CDK6: variants seen among roughly 807,000 people sequenced by gnomAD.
CDK6 encodes the protein cyclin dependent kinase 6.
CDK6 carries 6 observed loss-of-function variants against 37.1 expected under a neutral mutation model. The observed-to-expected ratio is 0.16, with a 90% CI of 0.09 to 0.32. The LOEUF is 0.32. Ranked by LOEUF, CDK6 falls within the 10% of genes least tolerant of loss-of-function variation. The pLI, the probability that CDK6 is intolerant of heterozygous loss-of-function variation, is 1.00. For missense variants in CDK6, 224 were observed against 418.9 expected (o/e 0.53, Z 4.06); for synonymous variants, 160 against 161.3 (o/e 0.99, Z 0.06).
rs139988485 is a variant in CDK6 at position 92,752,489 on chromosome 7, A to G, written c.369+22207T>C. Among the ~76,000 whole-genome samples, 285 of 152,342 alleles carry G rather than the reference A, an allele frequency of 1.9e-3. 1 individual carries two copies. Among genetic ancestry groups the G allele is most frequent in the Admixed American group, 4.2e-3 (64 of 15,300 alleles). ...AAATGCTATACCAAATGCTGTTGAA[A>G]CTTTGGGACCTAAAATGAGAAACTA... On this transcript the variant is annotated intron_variant, in intron 3 of 7. Transcript: ENST00000424848.
chr7:92,629,022 G>C (rs1049486947), intron 5 of CDK6, among the ~76,000 whole-genome samples: 1 of 152,004 alleles, frequency 6.6e-6, no homozygotes, highest in Non-Finnish European at 1.5e-5. Context: ...GGGGAAAGAC[G>C]CACTTGAAGT....
At chr7:92,788,961 AT>A (rs533300196) in intron 2 of CDK6, among the ~76,000 whole-genome samples, 1,776 of 147,022 alleles carry the variant, frequency 0.012, 32 homozygotes, top group African/African-American at 0.038. Context: ...TCTACAAAAG[AT>A]TTTTTTTTTT....
intron 2 of CDK6, among the ~76,000 whole-genome samples, chr7:92,821,526 A>T (rs1013386451): frequency 1.3e-5 from 2 of 152,224 alleles, no homozygotes; most frequent in Non-Finnish European, 2.9e-5. Context: ...TAAACAAAAA[A>T]CTGCAAATAA....
In CDK6 at chr7:92,610,548, A is replaced by G; in HGVS notation, c.*4592T>C. ...TTTTTGGTTTATTTTCTGAAAAAGT[A>G]CAAGATAGAAATGCTTGAGATATAG... On this transcript the variant is annotated 3_prime_UTR_variant, in exon 8 of 8. Transcript: ENST00000424848. The G allele has an allele frequency of 4.4e-6, 1 of 229,250 alleles. No individual in the cohort carries two copies. Among genetic ancestry groups the G allele is most frequent in the Non-Finnish European group, 8.7e-6 (1 of 115,558 alleles). 14.2% of individuals were successfully genotyped at this position (229,250 alleles called of 1,614,324 possible).
At chr7:92,715,408 A>G (rs183394887) in intron 4 of CDK6, among the ~76,000 whole-genome samples, 2 of 152,178 alleles carry the variant, frequency 1.3e-5, no homozygotes, top group African/African-American at 4.8e-5. Flanking sequence ...AAATTCTCCT[A>G]CGCTTTCCCC....
chr7:92,669,421 TA>T (rs1407867894), intron 5 of CDK6, among the ~76,000 whole-genome samples: 3 of 152,296 alleles, frequency 2.0e-5, no homozygotes, highest in African/African-American at 7.2e-5. Context: ...TTTAACATCT[TA>T]AAAAAATTGA....
intron 2 of CDK6, among the ~76,000 whole-genome samples, chr7:92,783,031 G>A (rs1289982926): frequency 7.9e-5 from 12 of 152,100 alleles, no homozygotes; most frequent in Admixed American, 6.6e-5. Context: ...AAAAGTAGCC[G>A]ACAGCAGAGA....
chr7:92,832,053 T>C (rs1442474054), intron 2 of CDK6, among the ~76,000 whole-genome samples: 1 of 152,232 alleles, frequency 6.6e-6, no homozygotes, highest in African/African-American at 2.4e-5. Context: ...AAAAGATATT[T>C]CTGCTACACA....
intron 2 of CDK6, among the ~76,000 whole-genome samples, chr7:92,829,990 T>A (rs771720094): frequency 3.9e-5 from 6 of 152,170 alleles, no homozygotes; most frequent in Admixed American, 2.0e-4. Flanking sequence ...CAGTAAATAT[T>A]TGGTGAATGA....
chr7:92,663,801 T>C (rs905249624), intron 5 of CDK6, among the ~76,000 whole-genome samples: 1 of 152,178 alleles, frequency 6.6e-6, no homozygotes, highest in Non-Finnish European at 1.5e-5. Flanking sequence ...TCAACCAAAA[T>C]TGGACCTTTT....
At chr7:92,648,879 G>A (rs980599940) in intron 5 of CDK6, among the ~76,000 whole-genome samples, 1 of 151,832 alleles carries the variant, frequency 6.6e-6, no homozygotes, top group African/African-American at 2.4e-5. Context: ...TATACATTTG[G>A]GATATGTAAG....
At chr7:92,664,929 G>A (rs892004462) in intron 5 of CDK6, among the ~76,000 whole-genome samples, 2 of 151,880 alleles carry the variant, frequency 1.3e-5, no homozygotes, top group Middle Eastern at 3.2e-3. Context: ...GGGACTACAG[G>A]AGCATGCCAC....
intron 2 of CDK6, among the ~76,000 whole-genome samples, chr7:92,781,272 A>G (rs1799985050): frequency 6.6e-6 from 1 of 152,194 alleles, no homozygotes; most frequent in Admixed American, 6.5e-5. Context: ...TATTGTCCTG[A>G]CCCGCCAGCT....
chr7:92,803,102 T>G (rs938161834), intron 2 of CDK6, among the ~76,000 whole-genome samples: 2 of 152,232 alleles, frequency 1.3e-5, no homozygotes, highest in Non-Finnish European at 2.9e-5. Context: ...ATAACTAATA[T>G]TATACTGTAT....
chr7:92,625,000 G>A (rs1401225468), intron 5 of CDK6, among the ~76,000 whole-genome samples: 1 of 151,892 alleles, frequency 6.6e-6, no homozygotes, highest in Non-Finnish European at 1.5e-5. Flanking sequence ...TGGGGAAAGG[G>A]TCTGTTTGGC....
At chr7:92,698,809 C>T (rs1010933067) in intron 4 of CDK6, among the ~76,000 whole-genome samples, 25 of 152,166 alleles carry the variant, frequency 1.6e-4, no homozygotes, top group Admixed American at 1.6e-3. Flanking sequence ...TTCCAACCTG[C>T]ATTCCTTTTA....
chr7:92,685,200 A>G (rs1797421066), intron 4 of CDK6, among the ~76,000 whole-genome samples: 2 of 152,230 alleles, frequency 1.3e-5, no homozygotes, highest in African/African-American at 4.8e-5. Flanking sequence ...ATGAGCCACA[A>G]TGCTTTTCTT....
chr7:92,699,984 G>A (rs1218162174), intron 4 of CDK6, among the ~76,000 whole-genome samples: 2 of 152,198 alleles, frequency 1.3e-5, no homozygotes, highest in African/African-American at 2.4e-5. Context: ...GGTACATAAA[G>A]TACTCTGCAG....
At chr7:92,646,527 A>T (rs1244749732) in intron 5 of CDK6, among the ~76,000 whole-genome samples, 1 of 151,552 alleles carries the variant, frequency 6.6e-6, no homozygotes, top group Non-Finnish European at 1.5e-5. Flanking sequence ...CCTCCCGAGT[A>T]GCTGGGATTA....
Sources: allele counts gnomAD v4.1 joint callset (sites outside exome capture counted in the v4.1 genomes callset), GRCh38; gene constraint gnomAD v4.1.1; transcripts MANE v1.5; gene names NCBI Gene and HGNC (gene_info 2026-07-23, HGNC 2026-07-21).